FECH: variants seen among roughly 807,000 people sequenced by gnomAD.
FECH encodes ferrochelatase, also known as ferrochelatase, mitochondrial.
A neutral mutation model predicts 56.9 loss-of-function variants in FECH; 40 were observed. That is an observed-to-expected ratio of 0.70 (90% CI 0.55 to 0.92). The LOEUF (loss-of-function observed/expected upper bound fraction) is 0.92, where lower values mean the gene tolerates loss of function less well. Among genes scored for constraint, FECH ranks in the 40% least tolerant of loss-of-function variants. FECH has a pLI of 0.00. For synonymous variants in FECH, 175 were observed against 198.6 expected (o/e 0.88, Z 1.00); for missense variants, 431 against 529.1 (o/e 0.81, Z 1.82).
rs753324675 is a variant in FECH at position 57,571,514 on chromosome 18, C to T, written c.341G>A (p.Arg114His). 67 of 1,613,752 alleles carry T rather than the reference C, an allele frequency of 4.2e-5. No homozygotes were observed. The highest frequency in any genetic ancestry group is 5.5e-5 in the Non-Finnish European group (65 of 1,179,982). ...CTGCTCTTGAATCTTGGGGGTTCGG[C>T]GTTTGGCGATGAATGGTGCCAGCTT... ...QNKLAPFIAK[R>H]RTPKIQEQYR... is the part of the protein sequence containing the mutation. The change falls in exon 4 of 11, where the codon CGC (arginine) becomes CAC (histidine). Residue 114 changes from arginine to histidine, a missense_variant. Physicochemically the swap from Arg to His is conservative, Grantham distance 29. Coordinates refer to ENST00000262093, the MANE Select transcript of FECH (RefSeq NM_000140.5).
At chr18:57,558,495 G>A (rs1283863860) in intron 7 of FECH, among the ~76,000 whole-genome samples, 1 of 152,226 alleles carries the variant, frequency 6.6e-6, no homozygotes, top group African/African-American at 2.4e-5. Context: ...GCGCTTGTCT[G>A]AATGGAGACC....
intron 8 of FECH, among the ~76,000 whole-genome samples, 171 bp downstream of exon 8, chr18:57,554,674 T>G (rs1037753630): frequency 1.3e-5 from 2 of 152,238 alleles, no homozygotes; most frequent in Admixed American, 6.5e-5. Context: ...CACGAGTCAC[T>G]TGATTTCCCC....
intron 1 of FECH, among the ~76,000 whole-genome samples, chr18:57,580,810 G>A (rs1389908518): frequency 1.3e-5 from 2 of 152,032 alleles, no homozygotes; most frequent in Admixed American, 6.5e-5. Context: ...CACATCCCAC[G>A]TGCCAGACCA....
intron 5 of FECH, among the ~76,000 whole-genome samples, chr18:57,565,163 T>C (rs1447039202): frequency 6.6e-6 from 1 of 152,238 alleles, no homozygotes; most frequent in African/African-American, 2.4e-5. Context: ...TCTTAATTTA[T>C]CTAATTGTGA....
At chr18:57,566,386 C>A (rs2051016304) in intron 5 of FECH, 61 bp downstream of exon 5, 19 of 1,611,666 alleles carry the variant, frequency 1.2e-5, no homozygotes, top group Non-Finnish European at 1.6e-5. Flanking sequence ...AGTACTTAGA[C>A]TCCTTGGTTA....
chr18:57,555,841 C>G (rs1156498991), intron 7 of FECH, among the ~76,000 whole-genome samples: 1 of 152,136 alleles, frequency 6.6e-6, no homozygotes, highest in Non-Finnish European at 1.5e-5. Flanking sequence ...ATGAAATATA[C>G]TGATAGATGG....
intron 2 of FECH, among the ~76,000 whole-genome samples, chr18:57,579,258 A>AG (rs2051232391): frequency 1.5e-5 from 1 of 68,878 alleles, no homozygotes; most frequent in African/African-American, 6.2e-5. Context: ...AAAAAAAAAA[A>AG]AGATATATAT....
At chr18:57,569,705 C>G (rs961064260) in intron 4 of FECH, among the ~76,000 whole-genome samples, 1 of 151,956 alleles carries the variant, frequency 6.6e-6, no homozygotes, top group African/African-American at 2.4e-5. Context: ...TGTGCCCCAC[C>G]CCCATGCTCA....
chr18:57,552,711 A>G (rs913176709), intron 9 of FECH, among the ~76,000 whole-genome samples: 3 of 152,146 alleles, frequency 2.0e-5, no homozygotes, highest in African/African-American at 7.2e-5. Flanking sequence ...CAGCTACTTG[A>G]TCTTTTAGAT....
In FECH at chr18:57,550,063, G is replaced by T. The variant is rs1047420678; in HGVS notation, c.*649C>A. 5.9e-5 allele frequency: 9 copies of T among 152,838 alleles called. No homozygotes were observed. The highest frequency in any genetic ancestry group is 2.2e-4 in the African/African-American group (9 of 41,430). 9.5% of individuals were successfully genotyped at this position (152,838 alleles called of 1,614,324 possible). A position where few individuals can be genotyped will look rare whatever the true frequency, so the allele number is the denominator to read the frequency against. On this transcript the variant is annotated 3_prime_UTR_variant, in exon 11 of 11. Coordinates refer to ENST00000262093, the MANE Select transcript of FECH (RefSeq NM_000140.5). ...ACACGTTTATTACCCTTGGGTGTAT[G>T]GGGAATCTAAGAGCACCTCTGAAAT...
chr18:57,567,082 T>C (rs1209396222), intron 4 of FECH, among the ~76,000 whole-genome samples: 1 of 152,060 alleles, frequency 6.6e-6, no homozygotes, highest in Non-Finnish European at 1.5e-5. Flanking sequence ...AGCCTGGGTC[T>C]CCCAACCCAT....
chr18:57,567,244 C>A (rs1185282783), intron 4 of FECH, among the ~76,000 whole-genome samples: 1 of 152,196 alleles, frequency 6.6e-6, no homozygotes, highest in East Asian at 1.9e-4. Context: ...TGATTCTCCT[C>A]ATTACACATA....
At chr18:57,560,000 C>T (rs2050921395) in intron 6 of FECH, among the ~76,000 whole-genome samples, 1 of 152,170 alleles carries the variant, frequency 6.6e-6, no homozygotes. Context: ...ACTGAAGGGG[C>T]TTTCTTTCGT....
chr18:57,554,807 A>G (rs1223147446), intron 8 of FECH, 38 bp downstream of exon 8: 5 of 1,532,532 alleles, frequency 3.3e-6, no homozygotes, highest in Non-Finnish European at 3.6e-6. Flanking sequence ...AATTTTACCA[A>G]TAAGAGCTGG....
intron 6 of FECH, among the ~76,000 whole-genome samples, chr18:57,559,773 A>G (rs190918640): frequency 6.6e-6 from 1 of 152,332 alleles, no homozygotes; most frequent in Admixed American, 6.5e-5. Context: ...TTTTTATAAA[A>G]ACCTTCACAA....
chr18:57,579,265 A>ATATATATGTGTGTGTATATC (rs1555681584), intron 2 of FECH, among the ~76,000 whole-genome samples: 1 of 123,802 alleles, frequency 8.1e-6, no homozygotes, highest in South Asian at 2.4e-4. Context: ...AAAAAGATAT[A>ATATATATGTGTGTGTATATC]TATATATATG....
At chr18:57,581,290 G>A (rs113856603) in intron 1 of FECH, among the ~76,000 whole-genome samples, 121 of 152,360 alleles carry the variant, frequency 7.9e-4, no homozygotes, top group African/African-American at 2.7e-3. Context: ...CCCCACAGGA[G>A]GTGGCAGTGG....
Position 57,554,698 on chromosome 18 carries a change from G to A in FECH, c.912+147C>T, listed in dbSNP as rs4940897. 6.2e-3 allele frequency: 4,691 copies of A among 756,880 alleles called. 229 individuals are homozygous for A. In the Admixed American group the frequency reaches 0.086, roughly 14 times the overall value. 46.9% of individuals were successfully genotyped at this position (756,880 alleles called of 1,614,324 possible). The stretch of plus-strand genomic sequence containing the variant: ...CTTGATTTCCCCTTCTATCTTACTC[G>A]CTTGCAGAGTTCTTTCTGCCCATGG... On this transcript the variant is annotated intron_variant, in intron 8 of 10. Transcript: ENST00000262093.
chr18:57,576,219 C>T (rs1216846552), intron 2 of FECH, among the ~76,000 whole-genome samples: 1 of 152,150 alleles, frequency 6.6e-6, no homozygotes, highest in Non-Finnish European at 1.5e-5. Flanking sequence ...CCCCCTTCCC[C>T]CTATTGAGAA....
Sources: allele counts gnomAD v4.1 joint callset (sites outside exome capture counted in the v4.1 genomes callset), GRCh38; gene constraint gnomAD v4.1.1; transcripts MANE v1.5; gene names NCBI Gene and HGNC (gene_info 2026-07-23, HGNC 2026-07-21).